UBE2E3: variants seen among roughly 807,000 people sequenced by gnomAD.
UBE2E3 encodes ubiquitin conjugating enzyme E2 E3.
In UBE2E3, 5 loss-of-function variants were observed where a neutral mutation model predicts 23.6. The ratio of observed to expected loss-of-function variants is 0.21; its 90% confidence interval spans 0.11 to 0.44. UBE2E3 has a LOEUF of 0.44. Among genes scored for constraint, UBE2E3 ranks in the 20% least tolerant of loss-of-function variants. UBE2E3 has a pLI of 0.99. For synonymous variants in UBE2E3, 78 were observed against 87.5 expected (o/e 0.89, Z 0.60); for missense variants, 81 against 249.8 (o/e 0.32, Z 4.55).
chr2:181,009,992 A>G (rs1468029374), intron 3 of UBE2E3, among the ~76,000 whole-genome samples: 2 of 152,238 alleles, frequency 1.3e-5, no homozygotes, highest in East Asian at 1.9e-4. Context: ...TATTTTAAAT[A>G]CTATTTCTGC....
intron 3 of UBE2E3, among the ~76,000 whole-genome samples, chr2:181,043,373 G>A (rs899449128): frequency 1.3e-5 from 2 of 152,152 alleles, no homozygotes; most frequent in Non-Finnish European, 2.9e-5. Context: ...AGTGCTTTCT[G>A]ATGGCTTAGT....
chr2:181,008,255 A>G (rs1032289464), intron 3 of UBE2E3, among the ~76,000 whole-genome samples: 2 of 152,216 alleles, frequency 1.3e-5, no homozygotes, highest in Admixed American at 1.3e-4. Context: ...TTCTGCTAAT[A>G]TTTATTGACC....
chr2:181,057,658 T>C, intron 3 of UBE2E3, 35 bp from the exon 4 acceptor site: 3 of 1,554,356 alleles, frequency 1.9e-6, no homozygotes, highest in Non-Finnish European at 2.6e-6. Context: ...ATTGCTAATA[T>C]ATGTACATAC....
intron 3 of UBE2E3, among the ~76,000 whole-genome samples, chr2:181,057,024 A>AT (rs1687009412): frequency 6.6e-6 from 1 of 151,706 alleles, no homozygotes; most frequent in Non-Finnish European, 1.5e-5. Flanking sequence ...AATGATGAGC[A>AT]TTTTTTAAAA....
At chr2:181,002,474 C>T (rs1685019396) in intron 3 of UBE2E3, among the ~76,000 whole-genome samples, 1 of 152,012 alleles carries the variant, frequency 6.6e-6, no homozygotes. Flanking sequence ...CGAAGAAAAC[C>T]CTCTAAATTC....
At chr2:181,004,763 G>A (rs1685094534) in intron 3 of UBE2E3, among the ~76,000 whole-genome samples, 1 of 152,208 alleles carries the variant, frequency 6.6e-6, no homozygotes, top group Non-Finnish European at 1.5e-5. Context: ...GAAGGCTAAG[G>A]CATCATAGCC....
chr2:180,985,943 G>A (rs932090451), intron 3 of UBE2E3, among the ~76,000 whole-genome samples: 4 of 142,132 alleles, frequency 2.8e-5, no homozygotes, highest in South Asian at 2.2e-4. Flanking sequence ...GTTTAACTCC[G>A]GAATGTTTCC....
At chr2:181,006,249 A>G (rs192074178) in intron 3 of UBE2E3, among the ~76,000 whole-genome samples, 48 of 152,268 alleles carry the variant, frequency 3.2e-4, no homozygotes, top group African/African-American at 1.1e-3. Context: ...TCCCCAGTCA[A>G]GATTCCCTTG....
intron 3 of UBE2E3, among the ~76,000 whole-genome samples, chr2:181,056,844 A>T (rs1006124649): frequency 2.0e-5 from 3 of 151,800 alleles, no homozygotes; most frequent in African/African-American, 7.3e-5. Flanking sequence ...ATTGGATAGC[A>T]GTTTGTCTGG....
chr2:181,035,805 A>G (rs896941255), intron 3 of UBE2E3, among the ~76,000 whole-genome samples: 1 of 152,166 alleles, frequency 6.6e-6, no homozygotes, highest in African/African-American at 2.4e-5. Context: ...GATTGTTCCC[A>G]AGGGTTTTTA....
intron 3 of UBE2E3, among the ~76,000 whole-genome samples, chr2:180,985,475 T>C (rs953904775): frequency 6.6e-6 from 1 of 152,196 alleles, no homozygotes; most frequent in African/African-American, 2.4e-5. Flanking sequence ...TATTTGGCTA[T>C]ATAAAATGTT....
chr2:181,000,439 G>T (rs577041241), intron 3 of UBE2E3, among the ~76,000 whole-genome samples: 218 of 152,172 alleles, frequency 1.4e-3, no homozygotes, highest in African/African-American at 4.5e-3. Context: ...AACTCCAGGG[G>T]GTACCATTCA....
At chr2:180,992,740 C>A (rs1225366309) in intron 3 of UBE2E3, among the ~76,000 whole-genome samples, 1 of 152,086 alleles carries the variant, frequency 6.6e-6, no homozygotes, top group East Asian at 1.9e-4. Flanking sequence ...CAGCTCACCG[C>A]AACCTCTGCC....
chr2:181,060,839 A>G lies in UBE2E3; in HGVS notation c.526+27A>G, dbSNP rs758359065. The G allele has an allele frequency of 3.5e-6, 5 of 1,437,668 alleles. No individual in the cohort carries two copies. The South Asian group carries it at 6.7e-5, about 19-fold the overall frequency. The allele number at this position is 1,437,668 out of a possible 1,614,324, so 89.1% of individuals were successfully genotyped here. ...TAAGCAAATCTTTATTAACATGTAC[A>G]ATAAGACTACAAAAACGAGTGCTTT... On this transcript the variant is annotated intron_variant, in intron 5 of 5. Transcript: ENST00000410062.
At chr2:180,987,036 T>G (rs1467846977) in intron 3 of UBE2E3, among the ~76,000 whole-genome samples, 1 of 152,150 alleles carries the variant, frequency 6.6e-6, no homozygotes, top group African/African-American at 2.4e-5. Flanking sequence ...TTGATAGCAT[T>G]GATATTTCTT....
intron 3 of UBE2E3, among the ~76,000 whole-genome samples, chr2:181,052,870 G>A (rs771171578): frequency 7.3e-5 from 11 of 151,634 alleles, no homozygotes; most frequent in Non-Finnish European, 1.5e-4. Context: ...GCTGTGAAAT[G>A]CTTGCTGGTC....
intron 3 of UBE2E3, among the ~76,000 whole-genome samples, chr2:181,006,265 G>GC (rs946750243): frequency 3.3e-5 from 5 of 152,256 alleles, no homozygotes; most frequent in African/African-American, 1.2e-4. Context: ...CCTTGAGCTG[G>GC]CATTAGGTTT....
intron 3 of UBE2E3, among the ~76,000 whole-genome samples, chr2:181,044,137 A>G (rs145512731): frequency 0.015 from 2,231 of 152,194 alleles, 57 homozygotes; most frequent in African/African-American, 0.051. Flanking sequence ...CTGTCCCTCC[A>G]CATTTTTCCC....
At chr2:181,040,756 C>T (rs1686464061) in intron 3 of UBE2E3, among the ~76,000 whole-genome samples, 1 of 152,136 alleles carries the variant, frequency 6.6e-6, no homozygotes, top group Non-Finnish European at 1.5e-5. Flanking sequence ...TCAAAATAAT[C>T]ATAGTTTAAA....
Sources: allele counts gnomAD v4.1 joint callset (sites outside exome capture counted in the v4.1 genomes callset), GRCh38; gene constraint gnomAD v4.1.1; transcripts MANE v1.5; gene names NCBI Gene and HGNC (gene_info 2026-07-23, HGNC 2026-07-21).